PRKCQ: variants seen among roughly 807,000 people sequenced by gnomAD.
PRKCQ encodes the protein protein kinase C theta type.
A neutral mutation model predicts 91.2 loss-of-function variants in PRKCQ; 41 were observed. The ratio of observed to expected loss-of-function variants is 0.45; its 90% CI spans 0.35 to 0.58. The LOEUF (loss-of-function observed/expected upper bound fraction) is 0.58. PRKCQ is among the 20% of genes least tolerant of loss of function. PRKCQ has a pLI of 0.00. For missense variants in PRKCQ, 673 were observed against 896.5 expected (o/e 0.75, Z 3.18); for synonymous variants, 307 against 316.9 (o/e 0.97, Z 0.33).
chr10:6,502,547 T>G (rs192970210), intron 4 of PRKCQ, among the ~76,000 whole-genome samples: 1 of 152,316 alleles, frequency 6.6e-6, no homozygotes, highest in Non-Finnish European at 1.5e-5. Context: ...AACACTTTCC[T>G]GCAGACAATT....
At chr10:6,446,349 T>TC (rs1564302109) in intron 15 of PRKCQ, among the ~76,000 whole-genome samples, 1 of 146,866 alleles carries the variant, frequency 6.8e-6, no homozygotes. Context: ...ATGGTCACAC[T>TC]ATGCTCAGTT....
At chr10:6,556,331 G>T (rs1270783139) in intron 1 of PRKCQ, among the ~76,000 whole-genome samples, 1 of 151,382 alleles carries the variant, frequency 6.6e-6, no homozygotes, top group Non-Finnish European at 1.5e-5. Flanking sequence ...ACTCAAGAGG[G>T]TAAGGTGGGA....
intron 1 of PRKCQ, among the ~76,000 whole-genome samples, chr10:6,528,342 T>C (rs1441252080): frequency 6.6e-6 from 1 of 152,078 alleles, no homozygotes; most frequent in African/African-American, 2.4e-5. Context: ...TGTTGCAGGA[T>C]CTGCTGATCT....
chr10:6,425,943 T>C (rs1564283327), downstream of PRKCQ, among the ~76,000 whole-genome samples: 2 of 152,158 alleles, frequency 1.3e-5, no homozygotes, highest in Non-Finnish European at 2.9e-5. Context: ...TGTTGGGGTC[T>C]CTGGGTGTCA....
At chr10:6,529,237 T>C (rs1340052106) in intron 1 of PRKCQ, among the ~76,000 whole-genome samples, 1 of 152,282 alleles carries the variant, frequency 6.6e-6, no homozygotes, top group African/African-American at 2.4e-5. Flanking sequence ...CATCATTTTC[T>C]AACCATGGTT....
At chr10:6,503,302 G>A (rs181704864) in intron 4 of PRKCQ, among the ~76,000 whole-genome samples, 1 of 152,342 alleles carries the variant, frequency 6.6e-6, no homozygotes, top group East Asian at 1.9e-4. Context: ...GTCCCTGGAG[G>A]TGGAGAATTC....
chr10:6,395,354 G>A, the PRKCQ span, among the ~76,000 whole-genome samples: 1 of 152,038 alleles, frequency 6.6e-6, no homozygotes, highest in South Asian at 2.1e-4. Context: ...GTGAACCAGC[G>A]CGCCCGGCCG....
Position 6,497,039 on chromosome 10 carries a change from G to T in PRKCQ, c.656C>A (p.Thr219Asn). The T allele has an allele frequency of 1.9e-6, 3 of 1,611,852 alleles. No individual in the cohort carries two copies. Among genetic ancestry groups the T allele is most frequent in the Non-Finnish European group, 2.5e-6 (3 of 1,179,284 alleles). ...CTGSAINSRE[T>N]MFHKERFKID... is the part of the protein sequence containing the mutation. ...AAGAGGAGTGTAAATACTCACCATG[G>T]TTTCTCGGCTATTGATAGCTGATCC... The change falls in exon 7 of 18, where the codon ACC (threonine) becomes AAC (asparagine). Residue 219 changes from threonine (T) to asparagine (N), a missense_variant. Transcript: ENST00000263125. This position sits in a 1 kb window ranked among gnomAD's most constrained non-coding sequence, Gnocchi z 4.5.
chr10:6,507,952 C>T (rs1011761708), intron 3 of PRKCQ, among the ~76,000 whole-genome samples: 17 of 152,128 alleles, frequency 1.1e-4, no homozygotes, highest in African/African-American at 3.6e-4. Flanking sequence ...TCTTTTCTAC[C>T]TGGGATGCAT....
At chr10:6,408,500 G>A in the PRKCQ span, among the ~76,000 whole-genome samples, 9 of 152,006 alleles carry the variant, frequency 5.9e-5, no homozygotes, top group Non-Finnish European at 1.0e-4. Flanking sequence ...GATTACAGGC[G>A]CCTGCCACCA....
chr10:6,441,910 T>G lies in PRKCQ; in HGVS notation c.1819A>C (p.Lys607Gln), dbSNP rs749499954. The change falls in exon 16 of 18, where the codon AAG becomes CAG. Residue 607 changes from lysine to glutamine, a missense_variant. Physicochemically the swap from Lys to Gln is moderately conservative, Grantham distance 53. Coordinates refer to ENST00000263125, the MANE Select transcript of PRKCQ (RefSeq NM_006257.5). ...CTTCTTACCTTCACCAGAAGGTCCTTTGCTTCCTTCTCCAGCCACCGTGGG... is the reference window on the plus strand; with the variant it reads ...CTTCTTACCTTCACCAGAAGGTCCTGTGCTTCCTTCTCCAGCCACCGTGGG... ...FYPRWLEKEA[K>Q]DLLVKLFVRE... 6.2e-7 allele frequency: 1 copy of G among 1,608,464 alleles called. No homozygotes were observed. Among genetic ancestry groups the G allele is most frequent in the Non-Finnish European group, 8.5e-7 (1 of 1,175,452 alleles).
At chr10:6,419,777 C>G in the PRKCQ span, among the ~76,000 whole-genome samples, 1 of 150,440 alleles carries the variant, frequency 6.6e-6, no homozygotes, top group Non-Finnish European at 1.5e-5. Flanking sequence ...CAATCTCCAC[C>G]TCCTGGGTTC....
chr10:6,577,090 G>C (rs911446108), intron 1 of PRKCQ, among the ~76,000 whole-genome samples: 4 of 152,012 alleles, frequency 2.6e-5, no homozygotes, highest in Admixed American at 2.6e-4. Flanking sequence ...TAATTCAAAA[G>C]CTAACATCAA....
chr10:6,479,611 G>C (rs1203690025), intron 11 of PRKCQ, among the ~76,000 whole-genome samples: 1 of 151,764 alleles, frequency 6.6e-6, no homozygotes, highest in African/African-American at 2.4e-5. Flanking sequence ...AGAATGGAGG[G>C]ATATAGTTCT....
intron 1 of PRKCQ, among the ~76,000 whole-genome samples, chr10:6,561,024 G>C (rs953140347): frequency 7.1e-6 from 1 of 141,652 alleles, no homozygotes; most frequent in South Asian, 2.4e-4. Flanking sequence ...GGGCGACAGA[G>C]GGAGACTCCA....
chr10:6,467,798 C>T (rs1835768124), intron 12 of PRKCQ, among the ~76,000 whole-genome samples: 1 of 152,326 alleles, frequency 6.6e-6, no homozygotes, highest in African/African-American at 2.4e-5. Context: ...CCATTACCTA[C>T]AGCTTTGTTG....
intron 16 of PRKCQ, among the ~76,000 whole-genome samples, chr10:6,431,730 C>G (rs991367858): frequency 1.3e-5 from 2 of 152,184 alleles, no homozygotes; most frequent in African/African-American, 4.8e-5. Context: ...ATAATAGAAA[C>G]TAGTCCCAGA....
intron 12 of PRKCQ, among the ~76,000 whole-genome samples, chr10:6,478,561 C>T (rs1013503581): frequency 3.3e-5 from 5 of 152,268 alleles, no homozygotes; most frequent in African/African-American, 9.6e-5. Flanking sequence ...CACTGATGAG[C>T]CCACTCCAAG....
At chr10:6,534,787 T>TATAG (rs1839515153) in intron 1 of PRKCQ, among the ~76,000 whole-genome samples, 1 of 145,520 alleles carries the variant, frequency 6.9e-6, no homozygotes, top group South Asian at 2.1e-4. Flanking sequence ...TATATATATA[T>TATAG]ATATAGATAT....
Sources: allele counts gnomAD v4.1 joint callset (sites outside exome capture counted in the v4.1 genomes callset), GRCh38; gene constraint gnomAD v4.1.1; non-coding constraint Gnocchi (gnomAD v3.1); transcripts MANE v1.5; gene names NCBI Gene and HGNC (gene_info 2026-07-23, HGNC 2026-07-21).